Variants in MAGI2 observed in about 807,000 individuals in gnomAD.
The protein encoded by MAGI2 is membrane associated guanylate kinase, WW and PDZ domain containing 2.
A neutral mutation model predicts 133.3 loss-of-function variants in MAGI2; 35 were observed. That is an observed-to-expected ratio of 0.26 (90% CI 0.20 to 0.35). MAGI2 has a LOEUF of 0.35. MAGI2 is among the 10% of genes least tolerant of loss of function. The pLI is 1.00. For synonymous variants in MAGI2, 729 were observed against 710.6 expected (o/e 1.03, Z -0.41); for missense variants, 1,636 against 1,863.4 (o/e 0.88, Z 2.25).
intron 2 of MAGI2, among the ~76,000 whole-genome samples, chr7:78,735,272 C>G (rs1367040801): frequency 5.9e-5 from 9 of 152,130 alleles, no homozygotes. Context: ...AGACAAGTCA[C>G]TGCATTATTT....
chr7:78,762,874 A>C (rs1824651675), intron 2 of MAGI2, among the ~76,000 whole-genome samples: 1 of 152,220 alleles, frequency 6.6e-6, no homozygotes, highest in Non-Finnish European at 1.5e-5. Context: ...ACAGTGAAAA[A>C]AATGGGTAAA....
At chr7:78,270,768 C>A (rs1267638352) in intron 9 of MAGI2, among the ~76,000 whole-genome samples, 3 of 151,924 alleles carry the variant, frequency 2.0e-5, no homozygotes. Flanking sequence ...AGGACTTGAA[C>A]TCAGCTCTGG....
intron 10 of MAGI2, among the ~76,000 whole-genome samples, chr7:78,237,444 T>C (rs938011347): frequency 5.3e-5 from 8 of 152,200 alleles, no homozygotes; most frequent in African/African-American, 1.9e-4. Context: ...TTTTTATTTT[T>C]ATGGTATTTG....
intron 1 of MAGI2, among the ~76,000 whole-genome samples, chr7:79,052,592 T>C (rs1002915908): frequency 2.6e-5 from 4 of 152,222 alleles, no homozygotes; most frequent in Non-Finnish European, 4.4e-5. Context: ...CCGCGTCGCT[T>C]GCTTGGGACC....
At chr7:79,234,913 A>C (rs887402926) in intron 1 of MAGI2, among the ~76,000 whole-genome samples, 2 of 151,404 alleles carry the variant, frequency 1.3e-5, no homozygotes, top group Non-Finnish European at 2.9e-5. Context: ...TTTTTTCCCT[A>C]TCTTTGTGGT....
At chr7:78,591,763 C>T (rs1462773076) in intron 3 of MAGI2, among the ~76,000 whole-genome samples, 1 of 152,188 alleles carries the variant, frequency 6.6e-6, no homozygotes, top group Non-Finnish European at 1.5e-5. Context: ...TCTATTGCTT[C>T]ATTCCCAAAT....
chr7:78,276,302 G>C (rs753566081), intron 9 of MAGI2, among the ~76,000 whole-genome samples: 5 of 152,142 alleles, frequency 3.3e-5, no homozygotes, highest in Non-Finnish European at 5.9e-5. Context: ...ATTTTCTACT[G>C]TCAAATGTCT....
At chr7:78,559,166 A>AG (rs1800146592) in intron 3 of MAGI2, among the ~76,000 whole-genome samples, 1 of 72,636 alleles carries the variant, frequency 1.4e-5, no homozygotes, top group Non-Finnish European at 2.8e-5. Context: ...AAAAAAAAAA[A>AG]AGCCAAAAAG....
At chr7:78,392,903 C>T (rs377707128) in intron 6 of MAGI2, among the ~76,000 whole-genome samples, 11 of 152,244 alleles carry the variant, frequency 7.2e-5, no homozygotes, top group East Asian at 5.8e-4. Flanking sequence ...TCAGGTGATT[C>T]GCCTGCCTTG....
At chr7:79,164,530 T>C (rs7793860) in intron 1 of MAGI2, among the ~76,000 whole-genome samples, 119,220 of 151,772 alleles carry the variant, frequency 0.79, 47,668 homozygotes, top group Non-Finnish European at 0.87. Flanking sequence ...GGAGAGGAAA[T>C]ATTTGTCATC....
intron 3 of MAGI2, among the ~76,000 whole-genome samples, chr7:78,574,244 G>A (rs1008932142): frequency 3.9e-5 from 6 of 152,208 alleles, no homozygotes; most frequent in African/African-American, 1.2e-4. Context: ...GGTGGAGGGC[G>A]GTGACATTGC....
In MAGI2 at chr7:78,456,402, A is replaced by T. The variant is rs1429510082; in HGVS notation, c.1045+33359T>A. Among the ~76,000 whole-genome samples the T allele has an allele frequency of 3.9e-5, 6 of 152,306 alleles. No individual in the cohort carries two copies. The South Asian group carries it at 1.0e-3, about 26-fold the overall frequency. ...CCTTCATTCTCTAATAAACTTGAGTAAAGTGGCATTTTTCAGGGACTTTTG... is the reference window on the plus strand; with the variant it reads ...CCTTCATTCTCTAATAAACTTGAGTTAAGTGGCATTTTTCAGGGACTTTTG... On this transcript the variant is annotated intron_variant, in intron 6 of 21. Transcript: ENST00000354212.
intron 3 of MAGI2, among the ~76,000 whole-genome samples, chr7:78,613,026 T>C (rs1179122947): frequency 6.6e-6 from 1 of 152,104 alleles, no homozygotes; most frequent in Non-Finnish European, 1.5e-5. Flanking sequence ...TGAAGAGAAA[T>C]GAAATAAAAT....
intron 3 of MAGI2, among the ~76,000 whole-genome samples, chr7:78,578,380 G>A (rs1378741172): frequency 6.6e-6 from 1 of 152,048 alleles, no homozygotes. Context: ...GGAAACCAAT[G>A]TAAACCCATC....
At chr7:78,716,541 A>G (rs1819721764) in intron 2 of MAGI2, among the ~76,000 whole-genome samples, 1 of 152,218 alleles carries the variant, frequency 6.6e-6, no homozygotes, top group South Asian at 2.1e-4. Context: ...GAGGGAAAAC[A>G]TTAAAAATTT....
intron 1 of MAGI2, among the ~76,000 whole-genome samples, chr7:79,337,830 A>G (rs577137877): frequency 1.3e-5 from 2 of 152,126 alleles, no homozygotes; most frequent in African/African-American, 2.4e-5. Flanking sequence ...TAGCTGCCAC[A>G]TGGGTAATTG....
intron 2 of MAGI2, among the ~76,000 whole-genome samples, chr7:78,774,137 T>C (rs947841790): frequency 2.6e-5 from 4 of 152,180 alleles, no homozygotes; most frequent in South Asian, 2.1e-4. Context: ...ACCAATCAAA[T>C]GCAGGCCACC....
chr7:79,421,141 G>A (rs1846929383), intron 1 of MAGI2, among the ~76,000 whole-genome samples: 1 of 151,946 alleles, frequency 6.6e-6, no homozygotes, highest in South Asian at 2.1e-4. Context: ...AGAAGTAAAT[G>A]TCACAATGCT....
intron 2 of MAGI2, among the ~76,000 whole-genome samples, chr7:78,937,993 A>T: frequency 6.6e-6 from 1 of 152,310 alleles, no homozygotes; most frequent in East Asian, 1.9e-4. Flanking sequence ...GATGTGGACG[A>T]TAAAAAGATG....
Sources: allele counts gnomAD v4.1 joint callset (sites outside exome capture counted in the v4.1 genomes callset), GRCh38; gene constraint gnomAD v4.1.1; transcripts MANE v1.5; gene names NCBI Gene and HGNC (gene_info 2026-07-23, HGNC 2026-07-21).